The following NRG1 variants were observed in gnomAD, a reference collection of about 807,000 sequenced individuals.
NRG1 encodes neuregulin 1, also known as pro-neuregulin-1, membrane-bound isoform.
NRG1 carries 18 observed loss-of-function variants against 63.8 expected under a neutral mutation model. The ratio of observed to expected loss-of-function variants is 0.28; its 90% CI spans 0.19 to 0.42. NRG1 has a LOEUF of 0.42. NRG1 is among the 10% of genes least tolerant of loss of function. The pLI is 1.00. For synonymous variants in NRG1, 302 were observed against 301.3 expected, an observed-to-expected ratio of 1.00 and a Z score of -0.02; for missense variants, 762 against 814.7, an observed-to-expected ratio of 0.94 and a Z score of 0.79.
chr8:32,364,013 A>C (rs1206709925), intron 1 of NRG1, among the ~76,000 whole-genome samples: 1 of 150,434 alleles, frequency 6.6e-6, no homozygotes, highest in African/African-American at 2.4e-5. Context: ...AGAACAAAAA[A>C]TGTACTATAA....
At chr8:31,668,011 C>T (rs191564030) in intron 1 of NRG1, among the ~76,000 whole-genome samples, 2 of 152,218 alleles carry the variant, frequency 1.3e-5, no homozygotes, top group East Asian at 1.9e-4. Context: ...CAACACATGT[C>T]ACATTAATTT....
intron 1 of NRG1, among the ~76,000 whole-genome samples, chr8:32,370,179 A>G (rs1808621429): frequency 6.6e-6 from 1 of 152,222 alleles, no homozygotes; most frequent in Admixed American, 6.5e-5. Context: ...GTTTTTTCCT[A>G]AGTAAGCTTG....
At chr8:32,147,615 A>G (rs549676505) in intron 1 of NRG1, among the ~76,000 whole-genome samples, 1 of 152,296 alleles carries the variant, frequency 6.6e-6, no homozygotes, top group African/African-American at 2.4e-5. Context: ...TCTCATATCT[A>G]ATCCACCATG....
intron 1 of NRG1, among the ~76,000 whole-genome samples, chr8:32,038,201 T>C (rs1372693806): frequency 2.0e-5 from 3 of 152,164 alleles, no homozygotes; most frequent in Non-Finnish European, 4.4e-5. Context: ...GGTAGCACAA[T>C]ACCTCACCAG....
At chr8:32,671,056 T>C (rs1034113578) in intron 5 of NRG1, among the ~76,000 whole-genome samples, 1 of 151,872 alleles carries the variant, frequency 6.6e-6, no homozygotes, top group Non-Finnish European at 1.5e-5. Flanking sequence ...ACAACACACA[T>C]AGGAAACTTT....
intron 5 of NRG1, among the ~76,000 whole-genome samples, chr8:32,619,696 G>A (rs1053213235): frequency 5.9e-5 from 9 of 152,112 alleles, no homozygotes; most frequent in African/African-American, 2.2e-4. Flanking sequence ...GGCTGCTTTT[G>A]TTTTTGGTTT....
At chr8:31,702,876 C>T (rs1810767012) in intron 1 of NRG1, among the ~76,000 whole-genome samples, 1 of 151,882 alleles carries the variant, frequency 6.6e-6, no homozygotes, top group Non-Finnish European at 1.5e-5. Flanking sequence ...TGTACATTGT[C>T]TATTATTAGT....
intron 1 of NRG1, among the ~76,000 whole-genome samples, chr8:32,518,163 C>T (rs1382420806): frequency 6.6e-6 from 1 of 152,166 alleles, no homozygotes; most frequent in Non-Finnish European, 1.5e-5. Context: ...CTCATCACAT[C>T]CTTTTCATGC....
intron 1 of NRG1, among the ~76,000 whole-genome samples, chr8:32,466,606 T>C (rs772453399): frequency 3.3e-5 from 5 of 152,172 alleles, no homozygotes; most frequent in Admixed American, 6.5e-5. Context: ...GCAAGGATCA[T>C]TGGGTGATTA....
chr8:31,648,740 C>T (rs1014563137), intron 1 of NRG1, among the ~76,000 whole-genome samples: 8 of 152,130 alleles, frequency 5.3e-5, no homozygotes, highest in Non-Finnish European at 1.2e-4. Flanking sequence ...GAATTTCCTT[C>T]TTTTGAAAGG....
At chr8:31,861,440 C>T (rs1305809038) in intron 1 of NRG1, among the ~76,000 whole-genome samples, 1 of 151,846 alleles carries the variant, frequency 6.6e-6, no homozygotes, top group Non-Finnish European at 1.5e-5. Context: ...TTTTCTTTTT[C>T]CCCTAGATGG....
intron 1 of NRG1, among the ~76,000 whole-genome samples, chr8:32,369,403 C>G (rs1279498280): frequency 6.6e-6 from 1 of 152,172 alleles, no homozygotes; most frequent in Admixed American, 6.6e-5. Context: ...TGTGCTTTTT[C>G]CAAAACATAT....
chr8:32,647,682 G>A, intron 5 of NRG1: 3 of 1,517,516 alleles, frequency 2.0e-6, no homozygotes, highest in Non-Finnish European at 2.6e-6. Context: ...GTAATGGACC[G>A]TGAGAGCGGC....
At chr8:32,616,105 A>G (rs1311677498) in intron 4 of NRG1, among the ~76,000 whole-genome samples, 2 of 152,058 alleles carry the variant, frequency 1.3e-5, no homozygotes, top group African/African-American at 2.4e-5. Context: ...CTTTGATACT[A>G]AGACTTCTTT....
chr8:31,825,659 A>C (rs1431237146), intron 1 of NRG1, among the ~76,000 whole-genome samples: 2 of 152,194 alleles, frequency 1.3e-5, no homozygotes, highest in Non-Finnish European at 2.9e-5. Context: ...AAAAGGAAAG[A>C]GACAGGAAAA....
At chr8:31,961,446 A>C (rs1422855476) in intron 1 of NRG1, among the ~76,000 whole-genome samples, 1 of 152,228 alleles carries the variant, frequency 6.6e-6, no homozygotes, top group Non-Finnish European at 1.5e-5. Context: ...GAAACTAATA[A>C]AAGAATTCCA....
chr8:31,823,216 A>G (rs1466709029), intron 1 of NRG1, among the ~76,000 whole-genome samples: 5 of 143,078 alleles, frequency 3.5e-5, no homozygotes, highest in East Asian at 2.1e-4. Flanking sequence ...TTGGCAGGGT[A>G]TCTTTTGAAT....
At chr8:32,619,184 A>G (rs961214264) in intron 5 of NRG1, among the ~76,000 whole-genome samples, 1 of 152,158 alleles carries the variant, frequency 6.6e-6, no homozygotes, top group Non-Finnish European at 1.5e-5. Context: ...ACTGCACTCC[A>G]GCCTGGGTGA....
chr8:32,321,546 C>T (rs1586815795), intron 1 of NRG1, among the ~76,000 whole-genome samples: 1 of 148,320 alleles, frequency 6.7e-6, no homozygotes, highest in African/African-American at 2.5e-5. Context: ...TTCTCCACCA[C>T]ATCCCCTGAT....
Sources: allele counts gnomAD v4.1 joint callset (sites outside exome capture counted in the v4.1 genomes callset), GRCh38; gene constraint gnomAD v4.1.1; transcripts MANE v1.5; gene names NCBI Gene and HGNC (gene_info 2026-07-23, HGNC 2026-07-21).